The following TMEFF2 variants were observed in gnomAD, a reference collection of about 807,000 sequenced individuals.
The protein encoded by TMEFF2 is tomoregulin-2.
A neutral mutation model predicts 53.8 loss-of-function variants in TMEFF2; 28 were observed. That is an observed-to-expected ratio of 0.52 (90% CI 0.39 to 0.71). TMEFF2 has a LOEUF of 0.71. Among genes scored for constraint, TMEFF2 ranks in the 30% least tolerant of loss-of-function variants. The pLI is 0.00. For synonymous variants in TMEFF2, 162 were observed against 166.3 expected (o/e 0.97, Z 0.20); for missense variants, 353 against 455.2 (o/e 0.78, Z 2.04).
chr2:192,120,862 G>T (rs566568205), intron 4 of TMEFF2, among the ~76,000 whole-genome samples: 2 of 151,798 alleles, frequency 1.3e-5, no homozygotes, highest in African/African-American at 2.4e-5. Context: ...TCAGCCTCCC[G>T]AATAGCTGGA....
rs145710411 is a variant in TMEFF2 at position 192,033,350 on chromosome 2, A to G, written c.536+24329T>C. Among the ~76,000 whole-genome samples, 230 of 152,332 alleles carry G rather than the reference A, an allele frequency of 1.5e-3. 1 individual carries two copies. The highest frequency in any genetic ancestry group is 5.4e-3 in the African/African-American group (223 of 41,570). On this transcript the variant is annotated intron_variant, in intron 5 of 9. Transcript: ENST00000272771. ...TATTCCTAATAACTTCATATAATAG[A>G]TGTTCAAATTCTCTTTATATGAATG...
chr2:192,028,612 C>T (rs1176093312), intron 5 of TMEFF2: 1 of 151,796 alleles, frequency 6.6e-6, no homozygotes, highest in African/African-American at 2.4e-5. Flanking sequence ...TTTTCTTTTC[C>T]TTTCAGTCAT....
At chr2:192,030,126 A>G (rs1328782426) in intron 5 of TMEFF2, among the ~76,000 whole-genome samples, 1 of 152,250 alleles carries the variant, frequency 6.6e-6, no homozygotes, top group Non-Finnish European at 1.5e-5. Flanking sequence ...AGGAAAAATA[A>G]GGTTATTCTC....
intron 4 of TMEFF2, among the ~76,000 whole-genome samples, chr2:192,092,907 G>A (rs141073217): frequency 7.3e-4 from 111 of 152,122 alleles, no homozygotes; most frequent in African/African-American, 2.6e-3. Context: ...GTTAATACTC[G>A]CCCTGTAAGA....
At chr2:192,018,091 G>A (rs1031561292) in intron 5 of TMEFF2, among the ~76,000 whole-genome samples, 4 of 152,144 alleles carry the variant, frequency 2.6e-5, no homozygotes, top group Non-Finnish European at 4.4e-5. Flanking sequence ...GATTGGAGGG[G>A]AGGGGGAGAA....
intron 9 of TMEFF2, among the ~76,000 whole-genome samples, chr2:191,952,858 C>T (rs1384825157): frequency 2.0e-5 from 3 of 152,174 alleles, no homozygotes; most frequent in Non-Finnish European, 2.9e-5. Flanking sequence ...AAAGTCTAAA[C>T]GCCTTGTGAA....
intron 4 of TMEFF2, among the ~76,000 whole-genome samples, chr2:192,086,549 G>A (rs1688673620): frequency 6.6e-6 from 1 of 152,052 alleles, no homozygotes; most frequent in South Asian, 2.1e-4. Context: ...CTTCAAAAAA[G>A]GTAAAGGGCT....
intron 4 of TMEFF2, among the ~76,000 whole-genome samples, chr2:192,074,597 G>A (rs1033139477): frequency 1.1e-4 from 16 of 151,916 alleles, no homozygotes; most frequent in Non-Finnish European, 2.4e-4. Context: ...GTAGCCACCT[G>A]TAGCTGTTTA....
intron 4 of TMEFF2, among the ~76,000 whole-genome samples, chr2:192,095,897 T>C (rs1436826908): frequency 6.6e-6 from 1 of 152,226 alleles, no homozygotes; most frequent in Non-Finnish European, 1.5e-5. Flanking sequence ...TCCTAGTTTT[T>C]GACATAATCC....
chr2:192,096,565 T>C (rs932300702), intron 4 of TMEFF2, among the ~76,000 whole-genome samples: 2 of 152,034 alleles, frequency 1.3e-5, no homozygotes, highest in East Asian at 3.9e-4. Flanking sequence ...TAAATTTCAG[T>C]CTTTGTAAAA....
chr2:191,959,996 C>A (rs906793771), intron 7 of TMEFF2, among the ~76,000 whole-genome samples: 2 of 152,134 alleles, frequency 1.3e-5, no homozygotes, highest in East Asian at 3.9e-4. Context: ...CGTGTCTCTG[C>A]CTCCCTCTTA....
intron 4 of TMEFF2, among the ~76,000 whole-genome samples, chr2:192,132,282 G>A (rs1015462292): frequency 1.3e-5 from 2 of 152,024 alleles, no homozygotes; most frequent in African/African-American, 2.4e-5. Context: ...CAAAGGCATA[G>A]TCCAGGTTAA....
intron 4 of TMEFF2, among the ~76,000 whole-genome samples, chr2:192,095,231 G>A (rs1159745618): frequency 2.6e-5 from 4 of 152,278 alleles, no homozygotes; most frequent in African/African-American, 4.8e-5. Flanking sequence ...ACTTGGGTAA[G>A]AGAAAATAGT....
At chr2:191,999,025 T>G (rs1559078396) in intron 6 of TMEFF2, 35 bp downstream of exon 6, 2 of 1,569,146 alleles carry the variant, frequency 1.3e-6, no homozygotes, top group Admixed American at 1.8e-5. Context: ...AAGACTAAAA[T>G]CATTCTTTGA....
In TMEFF2 at chr2:192,021,111, T is replaced by C. The variant is rs532245451; in HGVS notation, c.537-21903A>G. ...TCCCTTACATCTTAAAGAGAGACTGTATCTTTGCAAGCACAGGTGTTGTCT... is the reference window on the plus strand; with the variant it reads ...TCCCTTACATCTTAAAGAGAGACTGCATCTTTGCAAGCACAGGTGTTGTCT... On this transcript the variant is annotated intron_variant, in intron 5 of 9. Coordinates refer to ENST00000272771, the MANE Select transcript of TMEFF2 (RefSeq NM_016192.4). Among the ~76,000 whole-genome samples, 7 of 152,274 alleles carry C rather than the reference T, an allele frequency of 4.6e-5. No individual in the cohort carries two copies. The East Asian group carries it at 1.4e-3, about 29-fold the overall frequency.
intron 4 of TMEFF2, among the ~76,000 whole-genome samples, chr2:192,077,184 T>G (rs1688452732): frequency 1.3e-5 from 2 of 152,148 alleles, no homozygotes; most frequent in Non-Finnish European, 2.9e-5. Flanking sequence ...GCAAATGCAC[T>G]TAAGAATCTA....
chr2:192,134,529 T>C (rs1689949110), intron 4 of TMEFF2, among the ~76,000 whole-genome samples: 1 of 152,188 alleles, frequency 6.6e-6, no homozygotes, highest in Non-Finnish European at 1.5e-5. Context: ...AGGAAATAAC[T>C]TCTCAGTGTT....
intron 5 of TMEFF2, among the ~76,000 whole-genome samples, chr2:192,048,788 G>C (rs1223401756): frequency 2.0e-5 from 3 of 152,134 alleles, no homozygotes; most frequent in African/African-American, 7.2e-5. Context: ...GGTTGCCACT[G>C]CCACTGCAAA....
chr2:192,005,627 C>T (rs1312762237), intron 5 of TMEFF2, among the ~76,000 whole-genome samples: 3 of 152,224 alleles, frequency 2.0e-5, no homozygotes, highest in African/African-American at 7.2e-5. Context: ...CTGGTTGTTT[C>T]GGACCTTAAC....
Sources: gnomAD v4.1 joint callset for allele counts (sites outside exome capture counted in the v4.1 genomes callset) on GRCh38, gnomAD v4.1.1 for gene constraint, MANE v1.5 for transcripts, NCBI Gene and HGNC (gene_info 2026-07-23, HGNC 2026-07-21) for gene names.